Variants in SYT13 observed in about 807,000 individuals in gnomAD.
SYT13 encodes synaptotagmin 13, also known as synaptotagmin-13.
In SYT13, 21 loss-of-function variants were observed where a neutral mutation model predicts 38.6. The ratio of observed to expected loss-of-function variants is 0.54; its 90% CI spans 0.39 to 0.78. SYT13 has a LOEUF of 0.78. SYT13 is among the 30% of genes least tolerant of loss of function. The pLI, the probability that SYT13 is intolerant of heterozygous loss-of-function variation, is 0.00. For synonymous variants in SYT13, 241 were observed against 237.6 expected, an observed-to-expected ratio of 1.01 and a Z score of -0.13; for missense variants, 495 against 548.7, an observed-to-expected ratio of 0.90 and a Z score of 0.98.
chr11:45,269,063 T>C (rs1389694172), intron 1 of SYT13, among the ~76,000 whole-genome samples: 2 of 151,364 alleles, frequency 1.3e-5, no homozygotes, highest in Non-Finnish European at 2.9e-5. Context: ...GGGAGGGTGG[T>C]AGGAGAAGGA....
chr11:45,247,503 C>A (rs1212641884), intron 4 of SYT13, among the ~76,000 whole-genome samples: 1 of 152,170 alleles, frequency 6.6e-6, no homozygotes, highest in Non-Finnish European at 1.5e-5. Flanking sequence ...AGTCCTGTGG[C>A]CCTTCCCTCC....
intron 1 of SYT13, among the ~76,000 whole-genome samples, chr11:45,283,656 T>C (rs1383692531): frequency 6.6e-6 from 1 of 152,256 alleles, no homozygotes; most frequent in Non-Finnish European, 1.5e-5. Flanking sequence ...CACATCTTTG[T>C]CACTGAGGGA....
chr11:45,252,697 G>A lies in SYT13; in HGVS notation c.570C>T (p.Gly190=). 6.3e-7 allele frequency: 1 copy of A among 1,583,652 alleles called. No homozygotes were observed. The highest frequency in any genetic ancestry group is 1.7e-4 in the Middle Eastern group (1 of 5,952). Residue 190 remains glycine (G), a synonymous_variant, in exon 4 of 6, where the codon GGC becomes GGT. Coordinates refer to ENST00000020926, the MANE Select transcript of SYT13 (RefSeq NM_020826.3). This position sits in a 1 kb window ranked among gnomAD's most constrained non-coding sequence, Gnocchi z 4.3. ...CACTCCCTTGGACGTAGCAGTCACA[G>A]CCTCCGTCGTGGTTGCTGGTCACAG... ...LEAVTSNHDG[G]CDCYVQGSVA...
intron 1 of SYT13, chr11:45,258,259 TAC>T (rs1403070961): frequency 6.6e-6 from 1 of 152,240 alleles, no homozygotes; most frequent in Non-Finnish European, 1.5e-5. Flanking sequence ...ATTATCTTGT[TAC>T]ACACAGCAAC....
At chr11:45,273,744 T>A (rs183461350) in intron 1 of SYT13, among the ~76,000 whole-genome samples, 147 of 152,344 alleles carry the variant, frequency 9.6e-4, no homozygotes, top group Non-Finnish European at 4.3e-4. Context: ...TGAATAATCA[T>A]CCTAGAAGTG....
intron 1 of SYT13, among the ~76,000 whole-genome samples, chr11:45,278,339 C>T (rs530715010): frequency 6.6e-6 from 1 of 152,182 alleles, no homozygotes; most frequent in East Asian, 1.9e-4. Context: ...TCAGTGTGGA[C>T]AACAAAGGGA....
chr11:45,282,978 C>T (rs924743491), intron 1 of SYT13, among the ~76,000 whole-genome samples: 19 of 152,006 alleles, frequency 1.2e-4, no homozygotes, highest in African/African-American at 4.4e-4. Flanking sequence ...TGAGCCTTGT[C>T]TCTACAAAAC....
chr11:45,244,541 C>T (rs1456648933), intron 5 of SYT13, among the ~76,000 whole-genome samples, 185 bp from the exon 6 acceptor site: 2 of 152,182 alleles, frequency 1.3e-5, no homozygotes, highest in African/African-American at 4.8e-5. Context: ...TACCCCAGCA[C>T]AGGTCCCAAG....
At chr11:45,254,582 G>T in intron 2 of SYT13, 178 bp from the exon 3 acceptor site, 2 of 738,028 alleles carry the variant, frequency 2.7e-6, no homozygotes, top group Non-Finnish European at 4.1e-6. Context: ...AGCCCATTAG[G>T]CTGCATCTGT....
At chr11:45,259,801 T>C (rs1386461507) in intron 1 of SYT13, among the ~76,000 whole-genome samples, 1 of 152,162 alleles carries the variant, frequency 6.6e-6, no homozygotes, top group Non-Finnish European at 1.5e-5. Context: ...CCCTCCTCCC[T>C]GGACAGGAAG....
At chr11:45,285,801 C>G in intron 1 of SYT13, 1 of 723,964 alleles carries the variant, frequency 1.4e-6, no homozygotes, top group South Asian at 1.5e-5. Flanking sequence ...ACAAGCTCGC[C>G]GCTCCCTAAT....
intron 4 of SYT13, among the ~76,000 whole-genome samples, chr11:45,247,838 A>C (rs563197659): frequency 7.5e-4 from 115 of 152,376 alleles, no homozygotes; most frequent in African/African-American, 2.8e-3. Context: ...GACAGAAAGG[A>C]AGTGATTAAA....
At chr11:45,265,573 G>T (rs1165001842) in intron 1 of SYT13, among the ~76,000 whole-genome samples, 1 of 152,234 alleles carries the variant, frequency 6.6e-6, no homozygotes, top group African/African-American at 2.4e-5. Context: ...GGTATCTGGG[G>T]AAAGCCCACT....
At position 45,252,433 on chromosome 11, in the gene SYT13, C is replaced by T; in HGVS notation, c.834G>A (p.Lys278=). 1 of 1,589,156 alleles carries T rather than the reference C, an allele frequency of 6.3e-7. No homozygotes were observed. Among genetic ancestry groups the T allele is most frequent in the South Asian group, 1.1e-5 (1 of 89,802 alleles). ...GGGGTTACCCTACCTTCGCTGAAGTCTTCAGCTCGCCCCACTGGGCAGCCC... is the reference window on the plus strand; with the variant it reads ...GGGGTTACCCTACCTTCGCTGAAGTTTTCAGCTCGCCCCACTGGGCAGCCC... ...PLGAAQWGEL[K]TSAKEPSAGA... The change falls in exon 4 of 6, where the codon AAG becomes AAA. Residue 278 remains lysine, a synonymous_variant. Transcript: ENST00000020926. The surrounding 1 kb of genome is among the most constrained non-coding windows in gnomAD (Gnocchi z 4.3).
chr11:45,252,749 G>A lies in SYT13; in HGVS notation c.545-27C>T, dbSNP rs368366327. ...TGCAGGCAAGGAGAACAACACAGGC[G>A]TGGGACTTTCTGAGGACAAGTGGAG... On this transcript the variant is annotated intron_variant, in intron 3 of 5. Transcript: ENST00000020926. The surrounding 1 kb of genome is among the most constrained non-coding windows in gnomAD (Gnocchi z 4.3). 1.4e-4 allele frequency: 210 copies of A among 1,532,360 alleles called. No individual in the cohort carries two copies. The highest frequency in any genetic ancestry group is 1.8e-4 in the Middle Eastern group (1 of 5,656). 94.9% of individuals were successfully genotyped at this position (1,532,360 alleles called of 1,614,324 possible).
At chr11:45,255,964 A>G in intron 1 of SYT13, 73 bp from the exon 2 acceptor site, 1 of 1,478,364 alleles carries the variant, frequency 6.8e-7, no homozygotes, top group Non-Finnish European at 9.4e-7. Context: ...GAAGGGAGAA[A>G]CGGTGAACTG....
Position 45,255,833 on chromosome 11 carries a change from T to C in SYT13, c.242A>G (p.Asp81Gly), listed in dbSNP as rs2135893217. ...VQPRALLKFP[D>G]IYGPRPAVTA... is the part of the protein sequence containing the mutation. ...CACAGCTGGCCTGGGTCCATAGATG[T>C]CTGGGAACTTGAGGAGGGCACGGGG... Residue 81 changes from aspartate (D) to glycine (G), a missense_variant, in exon 2 of 6, where the codon GAC (aspartate) becomes GGC (glycine). Physicochemically the swap from Asp to Gly is moderately conservative, Grantham distance 94. Transcript: ENST00000020926. 6.2e-7 allele frequency: 1 copy of C among 1,614,146 alleles called. No homozygotes were observed. Among genetic ancestry groups the C allele is most frequent in the East Asian group, 2.2e-5 (1 of 44,880 alleles).
chr11:45,258,775 C>T (rs992370274), intron 1 of SYT13, among the ~76,000 whole-genome samples: 2 of 152,028 alleles, frequency 1.3e-5, no homozygotes, highest in African/African-American at 2.4e-5. Flanking sequence ...AGGCGAAGAC[C>T]GGGCTTGGGG....
chr11:45,272,307 A>G (rs1021749167), intron 1 of SYT13, among the ~76,000 whole-genome samples: 8 of 152,220 alleles, frequency 5.3e-5, no homozygotes, highest in African/African-American at 1.9e-4. Context: ...ACAAACCTGC[A>G]TGTCCTGCGC....
Sources: gnomAD v4.1 joint callset for allele counts (sites outside exome capture counted in the v4.1 genomes callset) on GRCh38, gnomAD v4.1.1 for gene constraint, Gnocchi (gnomAD v3.1) non-coding constraint, MANE v1.5 for transcripts, NCBI Gene and HGNC (gene_info 2026-07-23, HGNC 2026-07-21) for gene names.